The following DENND2B variants were observed in gnomAD, a reference collection of about 807,000 sequenced individuals.
The protein encoded by DENND2B is DENN domain containing 2B.
Under a neutral mutation model 116.0 loss-of-function variants are expected in DENND2B, and 32 were observed. The observed-to-expected ratio is 0.28, with a 90% CI of 0.21 to 0.37. The LOEUF (loss-of-function observed/expected upper bound fraction) is 0.37. DENND2B is among the 10% of genes least tolerant of loss of function. DENND2B has a pLI of 1.00. For missense variants in DENND2B, 1,276 were observed against 1,477.7 expected, an observed-to-expected ratio of 0.86 and a Z score of 2.24; for synonymous variants, 588 against 583.9, an observed-to-expected ratio of 1.01 and a Z score of -0.10.
In DENND2B at chr11:8,709,107, G is replaced by A. The variant is rs182860652; in HGVS notation, c.2353-1253C>T. Among the ~76,000 whole-genome samples the A allele has an allele frequency of 9.5e-4, 144 of 152,316 alleles. 2 individuals are homozygous for A. Among genetic ancestry groups the A allele is most frequent in the South Asian group, 7.3e-3 (35 of 4,824 alleles). ...GAGTGGGGAGGGAGCAGAGCAGCAG[G>A]TGCTGGCCCCTCGTGCAGGCTGCTA... is the stretch of plus-strand genomic sequence containing the variant. On this transcript the variant is annotated intron_variant, in intron 11 of 19. Coordinates refer to ENST00000313726, the MANE Select transcript of DENND2B (RefSeq NM_213618.2).
intron 3 of DENND2B, among the ~76,000 whole-genome samples, chr11:8,842,004 A>T (rs2062640842): frequency 6.6e-6 from 1 of 152,224 alleles, no homozygotes; most frequent in African/African-American, 2.4e-5. Context: ...ATCACAAAGT[A>T]GTAGAAAGAA....
chr11:8,769,770 A>G (rs1648344107), intron 1 of DENND2B, among the ~76,000 whole-genome samples: 1 of 147,696 alleles, frequency 6.8e-6, no homozygotes, highest in South Asian at 2.3e-4. Context: ...GCTGGGAAAG[A>G]AGGACTGGTT....
At chr11:8,835,865 C>A (rs1316526818) in intron 4 of DENND2B, among the ~76,000 whole-genome samples, 1 of 152,182 alleles carries the variant, frequency 6.6e-6, no homozygotes, top group Non-Finnish European at 1.5e-5. Flanking sequence ...AACACGTCTA[C>A]AGAGCCTACG....
chr11:8,870,090 A>C (rs1029560414), intron 2 of DENND2B, among the ~76,000 whole-genome samples: 2 of 152,092 alleles, frequency 1.3e-5, no homozygotes, highest in Non-Finnish European at 2.9e-5. Context: ...TGGGATAATG[A>C]CCTCTTTGCC....
intron 4 of DENND2B, chr11:8,718,093 C>CCCACCCCCA (rs1565706131): frequency 2.0e-5 from 1 of 49,744 alleles, no homozygotes; most frequent in Non-Finnish European, 3.5e-5. Flanking sequence ...CAGAAGCAGA[C>CCCACCCCCA]CCACCCCCCC....
chr11:8,881,891 TACTTA>T (rs1195469103), intron 1 of DENND2B, among the ~76,000 whole-genome samples: 1 of 152,190 alleles, frequency 6.6e-6, no homozygotes, highest in African/African-American at 2.4e-5. Flanking sequence ...TTGAGCTTCT[TACTTA>T]ACTTCTCTAT....
intron 14 of DENND2B, among the ~76,000 whole-genome samples, chr11:8,701,010 A>T (rs1329204010): frequency 6.6e-6 from 1 of 151,866 alleles, no homozygotes; most frequent in Non-Finnish European, 1.5e-5. Flanking sequence ...GAGAGTCTCG[A>T]TCTCTTGACC....
intron 3 of DENND2B, among the ~76,000 whole-genome samples, chr11:8,842,108 C>A (rs555253466): frequency 6.6e-6 from 1 of 152,282 alleles, no homozygotes; most frequent in South Asian, 2.1e-4. Context: ...TGAGACAATC[C>A]GTTCACGAAA....
At chr11:8,744,220 G>A (rs2050801799) in intron 2 of DENND2B, among the ~76,000 whole-genome samples, 1 of 147,316 alleles carries the variant, frequency 6.8e-6, no homozygotes. Flanking sequence ...CACAACCTCC[G>A]CCTCCTGGGT....
intron 1 of DENND2B, chr11:8,776,156 GCGCGCACA>G (rs1242009331): frequency 1.8e-4 from 56 of 318,392 alleles, no homozygotes; most frequent in East Asian, 1.3e-3. Context: ...GCACGCGCGC[GCGCGCACA>G]CACACACACA....
At chr11:8,770,797 C>A (rs926896170) in intron 1 of DENND2B, among the ~76,000 whole-genome samples, 1 of 152,158 alleles carries the variant, frequency 6.6e-6, no homozygotes, top group Non-Finnish European at 1.5e-5. Flanking sequence ...TAAAATGATC[C>A]TCCTGCCTCA....
intron 1 of DENND2B, among the ~76,000 whole-genome samples, chr11:8,783,730 G>T (rs1382602269): frequency 6.6e-6 from 1 of 152,100 alleles, no homozygotes; most frequent in East Asian, 1.9e-4. Flanking sequence ...GGACAATCTG[G>T]TAATAGCAGA....
At chr11:8,719,879 C>T (rs1003328592) in intron 4 of DENND2B, among the ~76,000 whole-genome samples, 2 of 152,186 alleles carry the variant, frequency 1.3e-5, no homozygotes, top group African/African-American at 4.8e-5. Context: ...TTATTGTCAT[C>T]CCCAACCTAT....
At chr11:8,785,885 T>G (rs1045777588) in intron 1 of DENND2B, 7 of 152,224 alleles carry the variant, frequency 4.6e-5, no homozygotes, top group African/African-American at 1.7e-4. Context: ...AGAATACAAG[T>G]TACATGGCTC....
intron 2 of DENND2B, among the ~76,000 whole-genome samples, chr11:8,862,440 T>C (rs1350636564): frequency 6.8e-6 from 1 of 147,796 alleles, no homozygotes; most frequent in Non-Finnish European, 1.5e-5. Context: ...CCTCAGGTGA[T>C]CCTCCCATCT....
chr11:8,781,965 T>C (rs189864856), intron 1 of DENND2B, among the ~76,000 whole-genome samples: 114 of 152,280 alleles, frequency 7.5e-4, no homozygotes, highest in African/African-American at 1.4e-3. Flanking sequence ...TGAACACTTA[T>C]ATACATTGGT....
chr11:8,697,507 C>T lies in DENND2B; in HGVS notation c.3052+18G>A, dbSNP rs2040585636. On this transcript the variant is annotated intron_variant, in intron 17 of 19. Coordinates refer to ENST00000313726, the MANE Select transcript of DENND2B (RefSeq NM_213618.2). ...GGAGCCTGGAGCAGAGCTGACCGTG[C>T]CCGGGCACTATTCTCACCATCGTCG... is the stretch of plus-strand genomic sequence containing the variant. The T allele has an allele frequency of 5.6e-6, 9 of 1,601,538 alleles. No homozygotes were observed. Among genetic ancestry groups the T allele is most frequent in the African/African-American group, 1.3e-5 (1 of 74,796 alleles).
chr11:8,836,069 C>T (rs938560633), intron 4 of DENND2B, among the ~76,000 whole-genome samples: 1 of 151,564 alleles, frequency 6.6e-6, no homozygotes, highest in Non-Finnish European at 1.5e-5. Context: ...AATATAGGGC[C>T]GGGGATGGTG....
Position 8,712,677 on chromosome 11 carries a change from G to A in DENND2B, c.2046C>T (p.Arg682=), listed in dbSNP as rs757435987. The A allele has an allele frequency of 3.7e-6, 6 of 1,610,284 alleles. No individual in the cohort carries two copies. In the East Asian group the frequency reaches 1.3e-4, roughly 36 times the overall value. ...ACTCCAGCAGCTCCAGCTCCAGCGT[G>A]CGATAGCTGGGGGCGCGCTTCAGCA... ...QSMLKRAPSY[R]TLELELLEWQ... is the part of the protein sequence containing the mutation. The change falls in exon 9 of 20, where the codon CGC becomes CGT. Residue 682 remains arginine, a synonymous_variant. Coordinates refer to ENST00000313726, the MANE Select transcript of DENND2B (RefSeq NM_213618.2). The surrounding 1 kb of genome is among the most constrained non-coding windows in gnomAD (Gnocchi z 4.4).
Sources: gnomAD v4.1 joint callset for allele counts (sites outside exome capture counted in the v4.1 genomes callset) on GRCh38, gnomAD v4.1.1 for gene constraint, Gnocchi (gnomAD v3.1) non-coding constraint, MANE v1.5 for transcripts, NCBI Gene and HGNC (gene_info 2026-07-23, HGNC 2026-07-21) for gene names.